The following AOPEP variants were observed in gnomAD, a reference collection of about 807,000 sequenced individuals.
The protein encoded by AOPEP is aminopeptidase O (putative).
AOPEP carries 77 observed loss-of-function variants against 98.1 expected under a neutral mutation model. The observed-to-expected ratio is 0.78, with a 90% CI of 0.65 to 0.95. AOPEP has a LOEUF of 0.95. AOPEP is among the 40% of genes least tolerant of loss of function. The pLI, the probability that AOPEP is intolerant of heterozygous loss-of-function variation, is 0.00. For synonymous variants in AOPEP, 346 were observed against 365.3 expected (o/e 0.95, Z 0.60); for missense variants, 1,024 against 1,024.7 (o/e 1.00, Z 0.01).
At chr9:94,776,195 T>C (rs1842054458) in intron 3 of AOPEP, among the ~76,000 whole-genome samples, 1 of 152,170 alleles carries the variant, frequency 6.6e-6, no homozygotes, top group South Asian at 2.1e-4. Flanking sequence ...TTGTACAAAT[T>C]GTAGCATGCT....
At chr9:94,780,606 T>C (rs929149141) in intron 3 of AOPEP, among the ~76,000 whole-genome samples, 4 of 152,188 alleles carry the variant, frequency 2.6e-5, no homozygotes, top group Non-Finnish European at 5.9e-5. Context: ...AGAACCAAAA[T>C]GGCTGTTCTG....
At chr9:95,121,736 G>A in the AOPEP span, among the ~76,000 whole-genome samples, 1 of 152,104 alleles carries the variant, frequency 6.6e-6, no homozygotes, top group South Asian at 2.1e-4. Flanking sequence ...AGAGTATGCT[G>A]CTCCTGTTTG....
chr9:94,735,296 C>T (rs1200424324), intron 1 of AOPEP, among the ~76,000 whole-genome samples: 2 of 152,220 alleles, frequency 1.3e-5, no homozygotes, highest in African/African-American at 2.4e-5. Context: ...TCTCGGCTCA[C>T]TGCAAGCTCT....
chr9:95,047,392 T>C (rs7048941), intron 13 of AOPEP, among the ~76,000 whole-genome samples: 119,310 of 152,130 alleles, frequency 0.78, 48,306 homozygotes, highest in Non-Finnish European at 0.89. Flanking sequence ...CAAATCAGTA[T>C]TGTCAAAGTA....
At chr9:94,826,571 G>C (rs1031984538) in intron 5 of AOPEP, among the ~76,000 whole-genome samples, 5 of 152,214 alleles carry the variant, frequency 3.3e-5, no homozygotes, top group African/African-American at 1.2e-4. Flanking sequence ...ACAGATGGGT[G>C]TGACACATTG....
At chr9:94,940,173 T>C (rs920300221) in intron 7 of AOPEP, among the ~76,000 whole-genome samples, 1 of 152,236 alleles carries the variant, frequency 6.6e-6, no homozygotes, top group African/African-American at 2.4e-5. Flanking sequence ...CCCTTAGCTG[T>C]AAAACAGGGA....
At chr9:94,789,337 TGCC>T (rs1224421364) in intron 3 of AOPEP, among the ~76,000 whole-genome samples, 1 of 152,246 alleles carries the variant, frequency 6.6e-6, no homozygotes, top group Admixed American at 6.5e-5. Context: ...TTTACTGAGC[TGCC>T]AAGGGTCTGA....
intron 7 of AOPEP, among the ~76,000 whole-genome samples, chr9:94,931,221 C>A (rs985212594): frequency 6.6e-6 from 1 of 152,104 alleles, no homozygotes; most frequent in Non-Finnish European, 1.5e-5. Flanking sequence ...TGGCCAAGAT[C>A]TTTTCCTTTG....
chr9:94,743,036 G>A (rs7866487), intron 1 of AOPEP, among the ~76,000 whole-genome samples: 13,216 of 152,032 alleles, frequency 0.087, 686 homozygotes, highest in African/African-American at 0.12. Context: ...GAGGGCCCAC[G>A]GCTAAGCCTT....
intron 10 of AOPEP, among the ~76,000 whole-genome samples, chr9:94,978,274 T>G (rs1302807009): frequency 6.6e-6 from 1 of 152,112 alleles, no homozygotes; most frequent in Non-Finnish European, 1.5e-5. Flanking sequence ...TATAATACAT[T>G]AAAATTTAAA....
intron 10 of AOPEP, among the ~76,000 whole-genome samples, chr9:94,977,234 G>T (rs1043771944): frequency 6.6e-6 from 1 of 152,104 alleles, no homozygotes; most frequent in Admixed American, 6.5e-5. Flanking sequence ...GGGTATGAAC[G>T]CACTGTCCCC....
At chr9:94,789,684 C>G (rs1845220396) in intron 3 of AOPEP, among the ~76,000 whole-genome samples, 1 of 152,188 alleles carries the variant, frequency 6.6e-6, no homozygotes, top group African/African-American at 2.4e-5. Flanking sequence ...TATAGCCCAT[C>G]ATGTCATATC....
At chr9:95,073,436 C>T (rs2068701799) in intron 14 of AOPEP, among the ~76,000 whole-genome samples, 1 of 151,168 alleles carries the variant, frequency 6.6e-6, no homozygotes. Flanking sequence ...TCTAGTAGGT[C>T]ACCAGTCAGC....
In AOPEP at chr9:94,973,171, G is replaced by T. The variant is rs72750347; in HGVS notation, c.1916+5370G>T. ...CTGTCATTTAGTTCATGTGAAAATT[G>T]CTGGGGCTGTGTGCTTCCCTTCAGA... On this transcript the variant is annotated intron_variant, in intron 10 of 16. Transcript: ENST00000375315. Among the ~76,000 whole-genome samples the T allele has an allele frequency of 5.6e-3, 859 of 152,262 alleles. 14 individuals carry two copies. Among genetic ancestry groups the T allele is most frequent in the East Asian group, 0.043 (224 of 5,178 alleles).
At chr9:95,129,619 A>G in the AOPEP span, among the ~76,000 whole-genome samples, 230 of 152,240 alleles carry the variant, frequency 1.5e-3, 1 homozygote, top group African/African-American at 5.4e-3. Flanking sequence ...TGTGGTTTCC[A>G]TCTGTTTGTT....
At chr9:94,906,579 G>A (rs956741785) in intron 5 of AOPEP, among the ~76,000 whole-genome samples, 3 of 151,992 alleles carry the variant, frequency 2.0e-5, no homozygotes, top group Non-Finnish European at 2.9e-5. Flanking sequence ...GAGGTAGGAG[G>A]ATTGCTTGAG....
At chr9:95,088,460 C>T (rs1288948336), downstream of AOPEP, among the ~76,000 whole-genome samples, 3 of 152,154 alleles carry the variant, frequency 2.0e-5, no homozygotes, top group Non-Finnish European at 2.9e-5. Flanking sequence ...CCACCTGCCT[C>T]GGCCTCCCAA....
chr9:95,108,170 C>G, the AOPEP span, among the ~76,000 whole-genome samples: 1 of 152,090 alleles, frequency 6.6e-6, no homozygotes, highest in African/African-American at 2.4e-5. Flanking sequence ...AGGCCTCATT[C>G]AATGAAGTCT....
intron 7 of AOPEP, among the ~76,000 whole-genome samples, chr9:94,951,437 T>C (rs1363216836): frequency 2.0e-5 from 3 of 152,240 alleles, no homozygotes; most frequent in African/African-American, 7.2e-5. Context: ...TAACCAGTTT[T>C]GTGGTCTTCT....
Sources: gnomAD v4.1 joint callset for allele counts (sites outside exome capture counted in the v4.1 genomes callset) on GRCh38, gnomAD v4.1.1 for gene constraint, MANE v1.5 for transcripts, NCBI Gene and HGNC (gene_info 2026-07-23, HGNC 2026-07-21) for gene names.